Variants in CNTNAP3 observed in about 807,000 individuals in gnomAD.
The protein encoded by CNTNAP3 is contactin-associated protein-like 3.
Under a neutral mutation model 92.1 loss-of-function variants are expected in CNTNAP3, and 36 were observed. The ratio of observed to expected loss-of-function variants is 0.39; its 90% CI spans 0.30 to 0.52. The LOEUF is 0.52. Among genes scored for constraint, CNTNAP3 ranks in the 20% least tolerant of loss-of-function variants. CNTNAP3 has a pLI of 0.76. For missense variants in CNTNAP3, 534 were observed against 1,069.6 expected (o/e 0.50, Z 6.98); for synonymous variants, 232 against 422.3 (o/e 0.55, Z 5.53).
intron 9 of CNTNAP3, among the ~76,000 whole-genome samples, chr9:39,161,863 T>C (rs1013046958): frequency 2.0e-5 from 2 of 102,050 alleles, no homozygotes; most frequent in African/African-American, 7.8e-5. Context: ...AAAAAAAAAG[T>C]AAAGCCTATA....
At chr9:39,094,221 GTT>G (rs1374523525) in intron 18 of CNTNAP3, among the ~76,000 whole-genome samples, 1 of 151,260 alleles carries the variant, frequency 6.6e-6, no homozygotes, top group Non-Finnish European at 1.5e-5. Context: ...ACTTTTTGTT[GTT>G]AAGTTGTGGA....
At chr9:39,137,729 T>C (rs1449436401) in intron 12 of CNTNAP3, among the ~76,000 whole-genome samples, 2 of 152,178 alleles carry the variant, frequency 1.3e-5, no homozygotes, top group Admixed American at 6.5e-5. Context: ...TTAGCCAGGA[T>C]GGTCTCGATC....
intron 4 of CNTNAP3, among the ~76,000 whole-genome samples, chr9:39,181,562 T>C (rs2118258928): frequency 8.9e-6 from 1 of 112,966 alleles, no homozygotes; most frequent in South Asian, 2.9e-4. Flanking sequence ...AAGATTATAG[T>C]TTTGATTGCT....
chr9:39,100,305 T>C (rs181824363), intron 17 of CNTNAP3, 155 bp from the exon 18 acceptor site: 497 of 1,512,226 alleles, frequency 3.3e-4, no homozygotes, highest in Non-Finnish European at 3.8e-4. Context: ...GTAACTGTTA[T>C]GAGACATGAA....
In CNTNAP3 at chr9:39,073,318, G is replaced by A. The variant is rs1825670472; in HGVS notation, c.*572C>T. ...TAAAAGGGCTGTGAATTTTAGATAG[G>A]CCACTTGGCTCTGGATTCCAGGACT... On this transcript the variant is annotated 3_prime_UTR_variant, in exon 24 of 24. Transcript: ENST00000297668. The A allele has an allele frequency of 8.5e-6, 2 of 235,744 alleles. No homozygotes were observed. Among genetic ancestry groups the A allele is most frequent in the African/African-American group, 2.3e-5 (1 of 42,852 alleles). 14.6% of individuals were successfully genotyped at this position (235,744 alleles called of 1,614,324 possible).
intron 10 of CNTNAP3, among the ~76,000 whole-genome samples, chr9:39,147,057 T>C (rs1821721516): frequency 6.6e-6 from 1 of 152,150 alleles, no homozygotes; most frequent in East Asian, 1.9e-4. Flanking sequence ...CGAGAGCTGA[T>C]GGTTTTATAA....
At chr9:39,081,529 G>A (rs2118397065) in intron 21 of CNTNAP3, among the ~76,000 whole-genome samples, 1 of 150,756 alleles carries the variant, frequency 6.6e-6, no homozygotes, top group East Asian at 2.0e-4. Flanking sequence ...ACTTTCAGGG[G>A]CATATGTATT....
chr9:39,114,033 T>C (rs1345181856), intron 14 of CNTNAP3, among the ~76,000 whole-genome samples: 1,543 of 143,438 alleles, frequency 0.011, 40 homozygotes, highest in African/African-American at 0.039. Flanking sequence ...TACACACATA[T>C]ATACACACAC....
At chr9:39,106,182 T>A (rs995747778) in intron 15 of CNTNAP3, among the ~76,000 whole-genome samples, 8 of 152,164 alleles carry the variant, frequency 5.3e-5, no homozygotes, top group African/African-American at 1.9e-4. Flanking sequence ...ATAAGTGTTA[T>A]GTTAAAGAAA....
At position 39,067,887 on chromosome 9, in the gene CNTNAP3, C is replaced by T. The variant is rs1410663530; in HGVS notation, c.*6003G>A. On this transcript the variant is annotated 3_prime_UTR_variant, in exon 24 of 24. Coordinates refer to ENST00000297668, the MANE Select transcript of CNTNAP3 (RefSeq NM_033655.5). ...CCCCTATGAATATTCTACCTAATGC[C>T]CTATTAATTATGGGGATTTCTGGTA... Among the ~76,000 whole-genome samples, 3 of 152,296 alleles carry T rather than the reference C, an allele frequency of 2.0e-5. No individual in the cohort carries two copies. Among genetic ancestry groups the T allele is most frequent in the African/African-American group, 7.2e-5 (3 of 41,474 alleles).
intron 18 of CNTNAP3, among the ~76,000 whole-genome samples, chr9:39,099,301 C>A (rs1460402902): frequency 1.3e-5 from 2 of 152,276 alleles, no homozygotes; most frequent in South Asian, 4.1e-4. Flanking sequence ...CTGTGTGATA[C>A]CCCACTGCAC....
chr9:39,087,608 T>C (rs1826091800), intron 19 of CNTNAP3, among the ~76,000 whole-genome samples: 1 of 152,132 alleles, frequency 6.6e-6, no homozygotes, highest in Non-Finnish European at 1.5e-5. Flanking sequence ...TGCCTCAGCC[T>C]CCCGAGTAGC....
chr9:39,232,006 T>C lies in CNTNAP3; in HGVS notation c.390+6987A>G. Among the ~76,000 whole-genome samples the C allele has an allele frequency of 3.6e-4, 2 of 5,548 alleles. 1 individual carries two copies. The highest frequency in any genetic ancestry group is 0.029 in the Non-Finnish European group (2 of 68). The allele number at this position is 5,548 out of a possible 152,430, so 3.6% of individuals were successfully genotyped here. A position where few individuals can be genotyped will look rare whatever the true frequency, so the allele number is the denominator to read the frequency against. On this transcript the variant is annotated intron_variant, in intron 3 of 23. Coordinates refer to ENST00000297668, the MANE Select transcript of CNTNAP3 (RefSeq NM_033655.5). The stretch of plus-strand genomic sequence containing the variant: ...TGTTTCATAAGGACAAATACACCAC[T>C]AAGTCTCTCATTCCTTTGCTATTGT...
chr9:39,093,015 T>C (rs562039228), intron 18 of CNTNAP3, among the ~76,000 whole-genome samples: 1 of 145,016 alleles, frequency 6.9e-6, no homozygotes, highest in African/African-American at 2.5e-5. Context: ...TTTCTGGTAT[T>C]AGTATAGTCC....
intron 15 of CNTNAP3, chr9:39,106,392 G>A (rs1826607003): frequency 6.6e-6 from 1 of 152,088 alleles, no homozygotes; most frequent in African/African-American, 2.4e-5. Flanking sequence ...CTGGGCTCAA[G>A]AGATCATCTC....
chr9:39,149,063 A>G (rs1365310509), intron 10 of CNTNAP3, among the ~76,000 whole-genome samples: 2 of 152,018 alleles, frequency 1.3e-5, no homozygotes, highest in African/African-American at 4.8e-5. Context: ...GTCCTTCTGC[A>G]CACATCTTCA....
chr9:39,098,636 T>C (rs1826380244), intron 18 of CNTNAP3, among the ~76,000 whole-genome samples: 1 of 152,192 alleles, frequency 6.6e-6, no homozygotes, highest in African/African-American at 2.4e-5. Context: ...TGGCTTGAGA[T>C]ATAAAAAGGG....
chr9:39,119,327 C>G (rs1240663762), intron 13 of CNTNAP3, among the ~76,000 whole-genome samples: 3 of 145,482 alleles, frequency 2.1e-5, no homozygotes, highest in Admixed American at 6.9e-5. Context: ...TCATTACCAC[C>G]ACCACTATCC....
At chr9:39,140,395 A>G (rs1456219522) in intron 12 of CNTNAP3, 124 bp downstream of exon 12, 2 of 1,405,202 alleles carry the variant, frequency 1.4e-6, no homozygotes, top group Admixed American at 2.6e-5. Context: ...ATTAATAAAT[A>G]TATATTTAAT....
Sources: gnomAD v4.1 joint callset for allele counts (sites outside exome capture counted in the v4.1 genomes callset) on GRCh38, gnomAD v4.1.1 for gene constraint, MANE v1.5 for transcripts, NCBI Gene and HGNC (gene_info 2026-07-23, HGNC 2026-07-21) for gene names.